The following MLLT10 variants were observed in gnomAD, a reference collection of about 807,000 sequenced individuals.
MLLT10 encodes MLLT10 histone lysine methyltransferase DOT1L cofactor, also known as protein AF-10.
A neutral mutation model predicts 129.1 loss-of-function variants in MLLT10; 30 were observed. The ratio of observed to expected loss-of-function variants is 0.23; its 90% CI spans 0.17 to 0.32. The LOEUF is 0.32. MLLT10 is among the 10% of genes least tolerant of loss of function. MLLT10 has a pLI of 1.00. For synonymous variants in MLLT10, 490 were observed against 446.4 expected, an observed-to-expected ratio of 1.10 and a Z score of -1.23; for missense variants, 1,119 against 1,268.3, an observed-to-expected ratio of 0.88 and a Z score of 1.79.
At chr10:21,565,945 CTTTTTTTTTTT>C (rs1204388391) in intron 3 of MLLT10, among the ~76,000 whole-genome samples, 4 of 79,358 alleles carry the variant, frequency 5.0e-5, no homozygotes, top group Non-Finnish European at 6.7e-5. Flanking sequence ...CAATCTTTGG[CTTTTTTTTTTT>C]TTTTTTTTTT....
intron 13 of MLLT10, among the ~76,000 whole-genome samples, chr10:21,700,173 T>A (rs1480782962): frequency 6.6e-6 from 1 of 152,124 alleles, no homozygotes; most frequent in Non-Finnish European, 1.5e-5. Context: ...TTTTTGCTAT[T>A]TCATTATTGA....
intron 3 of MLLT10, among the ~76,000 whole-genome samples, chr10:21,539,796 A>G (rs1025581862): frequency 6.6e-6 from 1 of 152,048 alleles, no homozygotes; most frequent in Non-Finnish European, 1.5e-5. Flanking sequence ...AATTACAAAC[A>G]TTAGCTGGGC....
At chr10:21,708,464 G>A in intron 13 of MLLT10, 1 of 607,946 alleles carries the variant, frequency 1.6e-6, no homozygotes, top group African/African-American at 2.0e-5. Context: ...GAGGAGCAAG[G>A]AAGTTGAAGG....
chr10:21,734,049 G>A lies in MLLT10; in HGVS notation c.2778G>A (p.Met926Ile), dbSNP rs370773236. Residue 926 changes from methionine to isoleucine, a missense_variant, in exon 20 of 23, where the codon ATG (methionine) becomes ATA (isoleucine). Coordinates refer to ENST00000307729, the MANE Select transcript of MLLT10 (RefSeq NM_001195626.3). ...GGGTTATGCAGACTCCTGTCACAATGTCCCAGAACCCTACCCCTCTCACCC... is the reference window on the plus strand; with the variant it reads ...GGGTTATGCAGACTCCTGTCACAATATCCCAGAACCCTACCCCTCTCACCC... Reference protein sequence around the residue: ...LNGVMQTPVTMSQNPTPLTHT... With the variant: ...LNGVMQTPVTISQNPTPLTHT... 3.1e-5 allele frequency: 50 copies of A among 1,614,000 alleles called. No individual in the cohort carries two copies. The highest frequency in any genetic ancestry group is 5.0e-5 in the Admixed American group (3 of 59,990).
chr10:21,559,788 G>T (rs1236663207), intron 3 of MLLT10, among the ~76,000 whole-genome samples: 1 of 152,148 alleles, frequency 6.6e-6, no homozygotes, highest in Non-Finnish European at 1.5e-5. Context: ...TTTGAATCTT[G>T]TTTATAGCTG....
chr10:21,562,329 T>TTTTA (rs986252122), intron 3 of MLLT10, among the ~76,000 whole-genome samples: 40 of 148,058 alleles, frequency 2.7e-4, no homozygotes, highest in African/African-American at 9.6e-4. Flanking sequence ...ATTTTTGTTT[T>TTTTA]TTTATTTATT....
chr10:21,682,294 A>G (rs775923569), intron 13 of MLLT10, 37 bp downstream of exon 13: 7 of 1,586,748 alleles, frequency 4.4e-6, no homozygotes, highest in Non-Finnish European at 6.0e-6. Context: ...TGGTTCGTTT[A>G]TCACAAAGGT....
intron 8 of MLLT10, chr10:21,625,147 G>T (rs2046306684): frequency 8.8e-7 from 1 of 1,133,250 alleles, no homozygotes; most frequent in Non-Finnish European, 1.3e-6. Flanking sequence ...AGCGGCATGC[G>T]AGGAGGAGGG....
At chr10:21,646,853 C>CTTTT (rs1193229400) in intron 8 of MLLT10, among the ~76,000 whole-genome samples, 2 of 139,888 alleles carry the variant, frequency 1.4e-5, no homozygotes, top group Non-Finnish European at 3.1e-5. Context: ...TGACTATTCC[C>CTTTT]TTTTTTTTTT....
At chr10:21,610,418 G>A (rs2044485958) in intron 5 of MLLT10, among the ~76,000 whole-genome samples, 2 of 152,184 alleles carry the variant, frequency 1.3e-5, no homozygotes, top group Admixed American at 6.5e-5. Flanking sequence ...GAGCTGTTGG[G>A]GTGGGGATGC....
chr10:21,673,019 T>C (rs924947674), intron 10 of MLLT10, among the ~76,000 whole-genome samples: 7 of 152,106 alleles, frequency 4.6e-5, no homozygotes, highest in Non-Finnish European at 7.4e-5. Context: ...ATACATGAGG[T>C]GTTTGGGGGA....
At chr10:21,628,708 T>G (rs1589316136) in intron 8 of MLLT10, among the ~76,000 whole-genome samples, 2 of 150,648 alleles carry the variant, frequency 1.3e-5, no homozygotes, top group East Asian at 3.9e-4. Context: ...CCCAAAGTGC[T>G]GGGATTACAG....
intron 21 of MLLT10, among the ~76,000 whole-genome samples, chr10:21,735,629 C>T (rs1426201456): frequency 6.6e-6 from 1 of 152,084 alleles, no homozygotes; most frequent in African/African-American, 2.4e-5. Context: ...ATAGGATGGC[C>T]CCGCCTCTGC....
chr10:21,625,005 C>T, intron 8 of MLLT10: 1 of 1,047,772 alleles, frequency 9.5e-7, no homozygotes, highest in Non-Finnish European at 1.4e-6. Flanking sequence ...TACTGCATAG[C>T]CACCATCATA....
At chr10:21,593,178 T>C (rs2042680060) in intron 4 of MLLT10, among the ~76,000 whole-genome samples, 1 of 151,816 alleles carries the variant, frequency 6.6e-6, no homozygotes, top group South Asian at 2.1e-4. Context: ...CACAGCAACC[T>C]TCAACTCTTG....
intron 3 of MLLT10, among the ~76,000 whole-genome samples, chr10:21,573,871 C>T (rs1403539279): frequency 6.6e-6 from 1 of 152,088 alleles, no homozygotes; most frequent in East Asian, 1.9e-4. Flanking sequence ...GCCTATTCTT[C>T]TTATATATTG....
At chr10:21,729,160 A>G (rs1288747918) in intron 16 of MLLT10, among the ~76,000 whole-genome samples, 6 of 152,116 alleles carry the variant, frequency 3.9e-5, no homozygotes, top group Non-Finnish European at 7.4e-5. Flanking sequence ...ACATGATCTG[A>G]CTAGTCTGTG....
At chr10:21,549,106 A>G (rs565915464) in intron 3 of MLLT10, among the ~76,000 whole-genome samples, 1 of 148,832 alleles carries the variant, frequency 6.7e-6, no homozygotes, top group Admixed American at 6.8e-5. Flanking sequence ...GGTTTCTACA[A>G]GTCAGGAGCT....
chr10:21,630,018 G>A (rs1384067628), intron 8 of MLLT10, among the ~76,000 whole-genome samples: 1 of 152,132 alleles, frequency 6.6e-6, no homozygotes, highest in Non-Finnish European at 1.5e-5. Context: ...GAGGAGGCAG[G>A]AAAAATGATA....
Sources: allele counts gnomAD v4.1 joint callset (sites outside exome capture counted in the v4.1 genomes callset), GRCh38; gene constraint gnomAD v4.1.1; transcripts MANE v1.5; gene names NCBI Gene and HGNC (gene_info 2026-07-23, HGNC 2026-07-21).